The following SH3RF3 variants were observed in gnomAD, a reference collection of about 807,000 sequenced individuals.
SH3RF3 encodes E3 ubiquitin-protein ligase SH3RF3.
A neutral mutation model predicts 66.3 loss-of-function variants in SH3RF3; 29 were observed. The observed-to-expected ratio is 0.44, with a 90% CI of 0.33 to 0.60. The LOEUF is 0.60. Ranked by LOEUF, SH3RF3 falls within the 20% of genes least tolerant of loss-of-function variation. The pLI is 0.04. For missense variants in SH3RF3, 1,194 were observed against 1,190.9 expected, an observed-to-expected ratio of 1.00 and a Z score of -0.04; for synonymous variants, 583 against 532.0, an observed-to-expected ratio of 1.10 and a Z score of -1.32.
chr2:109,179,003 A>ATGTGTGCGTGTGTG (rs1678001872), intron 1 of SH3RF3, among the ~76,000 whole-genome samples: 1 of 142,066 alleles, frequency 7.0e-6, no homozygotes, highest in Non-Finnish European at 1.6e-5. Flanking sequence ...AAGTATAATA[A>ATGTGTGCGTGTGTG]TGTGTGTGTG....
chr2:109,331,030 G>A (rs569909551), intron 1 of SH3RF3, among the ~76,000 whole-genome samples: 1 of 152,220 alleles, frequency 6.6e-6, no homozygotes, highest in African/African-American at 2.4e-5. Context: ...TGGAGTTACT[G>A]TAGTATCTGT....
At chr2:109,416,481 T>C (rs1573234163) in intron 4 of SH3RF3, among the ~76,000 whole-genome samples, 1 of 152,034 alleles carries the variant, frequency 6.6e-6, no homozygotes. Context: ...GCCTCCTGGG[T>C]TCAAGCAATT....
intron 1 of SH3RF3, among the ~76,000 whole-genome samples, chr2:109,280,968 G>A (rs188737390): frequency 6.6e-6 from 1 of 152,204 alleles, no homozygotes. Context: ...AGGTGGCAGT[G>A]GTGATGCAGA....
intron 9 of SH3RF3, among the ~76,000 whole-genome samples, chr2:109,496,981 A>T (rs1679276539): frequency 1.3e-5 from 2 of 152,182 alleles, no homozygotes; most frequent in Admixed American, 1.3e-4. Context: ...CAGAGAAGGG[A>T]TGAAGGCAGC....
intron 1 of SH3RF3, among the ~76,000 whole-genome samples, chr2:109,300,751 A>C (rs1681446365): frequency 6.6e-6 from 1 of 152,228 alleles, no homozygotes; most frequent in South Asian, 2.1e-4. Flanking sequence ...CAGCTGGAGC[A>C]GACTTCATGT....
chr2:109,180,972 G>A (rs899532945), intron 1 of SH3RF3, among the ~76,000 whole-genome samples: 3 of 152,198 alleles, frequency 2.0e-5, no homozygotes, highest in Non-Finnish European at 4.4e-5. Context: ...CCTGATGCAA[G>A]CTTCCTCAGA....
At chr2:109,224,265 A>G (rs1679320611) in intron 1 of SH3RF3, among the ~76,000 whole-genome samples, 1 of 152,252 alleles carries the variant, frequency 6.6e-6, no homozygotes, top group Non-Finnish European at 1.5e-5. Flanking sequence ...TTTACCAAGC[A>G]TAGTAAAATA....
At chr2:109,387,424 T>C (rs897157198) in intron 3 of SH3RF3, among the ~76,000 whole-genome samples, 12 of 152,138 alleles carry the variant, frequency 7.9e-5, no homozygotes, top group African/African-American at 2.9e-4. Flanking sequence ...CCCCACCTTA[T>C]TTCTGCCCAT....
intron 8 of SH3RF3, among the ~76,000 whole-genome samples, chr2:109,460,845 T>C (rs1284990174): frequency 6.6e-6 from 1 of 152,208 alleles, no homozygotes; most frequent in African/African-American, 2.4e-5. Context: ...CACAACCAGG[T>C]GCATTCCTCA....
At chr2:109,210,352 T>C (rs575437236) in intron 1 of SH3RF3, among the ~76,000 whole-genome samples, 1 of 152,360 alleles carries the variant, frequency 6.6e-6, no homozygotes, top group African/African-American at 2.4e-5. Flanking sequence ...TTAATGTCAC[T>C]GATCTGTGAA....
intron 2 of SH3RF3, among the ~76,000 whole-genome samples, chr2:109,371,254 G>A (rs1396847044): frequency 6.6e-6 from 1 of 152,252 alleles, no homozygotes; most frequent in Non-Finnish European, 1.5e-5. Flanking sequence ...GCTGGGTGTG[G>A]TGGCACACGC....
At chr2:109,334,089 A>T (rs7589741) in intron 1 of SH3RF3, among the ~76,000 whole-genome samples, 75,217 of 152,062 alleles carry the variant, frequency 0.49, 20,383 homozygotes, top group Non-Finnish European at 0.61. Context: ...CCAGGTTCAG[A>T]GGCTCACGCC....
At chr2:109,234,220 C>T (rs921270029) in intron 1 of SH3RF3, among the ~76,000 whole-genome samples, 2 of 150,328 alleles carry the variant, frequency 1.3e-5, no homozygotes, top group Non-Finnish European at 3.0e-5. Flanking sequence ...TGTTATTAGT[C>T]AGTTACTTTT....
At chr2:109,137,670 A>G (rs1676842406) in intron 1 of SH3RF3, among the ~76,000 whole-genome samples, 1 of 152,228 alleles carries the variant, frequency 6.6e-6, no homozygotes, top group South Asian at 2.1e-4. Context: ...GATACTGGAG[A>G]GAAAGAGGAA....
chr2:109,256,206 T>A (rs960335910), intron 1 of SH3RF3, among the ~76,000 whole-genome samples: 2 of 152,164 alleles, frequency 1.3e-5, no homozygotes, highest in African/African-American at 4.8e-5. Context: ...AGGTGAAAGG[T>A]AGACAAGGAA....
At position 109,206,490 on chromosome 2, in the gene SH3RF3, C is replaced by CAAAAAA. The variant is rs36060217; in HGVS notation, c.573+76397_573+76402dup. 3.4e-4 allele frequency among the ~76,000 whole-genome samples: 14 copies of CAAAAAA among 40,754 alleles called. 1 individual carries two copies. Among genetic ancestry groups the CAAAAAA allele is most frequent in the African/African-American group, 8.9e-4 (9 of 10,074 alleles). The allele number at this position is 40,754 out of a possible 152,430, so 26.7% of individuals were successfully genotyped here. On this transcript the variant is annotated intron_variant, in intron 1 of 9. Coordinates refer to ENST00000309415, the MANE Select transcript of SH3RF3 (RefSeq NM_001099289.3). ...TGGGCGACAGAGTGAGACTCCGTCT[C>CAAAAAA]AAAAAAAAAAAAAAAAAAAAAAAAA...
rs139239405 is a variant in SH3RF3, at chr2:109,264,321, C to T, written c.574-83353C>T. Among the ~76,000 whole-genome samples, 297 of 149,388 alleles carry T rather than the reference C, an allele frequency of 2.0e-3. 2 individuals are homozygous for T. The highest frequency in any genetic ancestry group is 7.0e-3 in the African/African-American group (281 of 40,336). On this transcript the variant is annotated intron_variant, in intron 1 of 9. Coordinates refer to ENST00000309415, the MANE Select transcript of SH3RF3 (RefSeq NM_001099289.3). ...AGGATCCACCCCAAGTCTGTGTGTG[C>T]TCCCCGTTCACCTCCCCAGGATCCA...
intron 8 of SH3RF3, among the ~76,000 whole-genome samples, chr2:109,461,439 A>G (rs1678206601): frequency 7.2e-6 from 1 of 138,972 alleles, no homozygotes; most frequent in East Asian, 2.2e-4. Flanking sequence ...TGTCCTAAAG[A>G]CCTGCGCGGT....
At chr2:109,383,008 A>G (rs1675735946) in intron 3 of SH3RF3, among the ~76,000 whole-genome samples, 1 of 152,222 alleles carries the variant, frequency 6.6e-6, no homozygotes, top group South Asian at 2.1e-4. Flanking sequence ...CTGAACCTGG[A>G]GATCGGCCTT....
Sources: gnomAD v4.1 joint callset for allele counts (sites outside exome capture counted in the v4.1 genomes callset) on GRCh38, gnomAD v4.1.1 for gene constraint, MANE v1.5 for transcripts, NCBI Gene and HGNC (gene_info 2026-07-23, HGNC 2026-07-21) for gene names.